Variants in TIAM2 observed in about 807,000 individuals in gnomAD.
The protein encoded by TIAM2 is TIAM Rac1 associated GEF 2, also known as rho guanine nucleotide exchange factor TIAM2.
TIAM2 carries 80 observed loss-of-function variants against 152.9 expected under a neutral mutation model. The observed-to-expected ratio is 0.52, with a 90% CI of 0.44 to 0.63. TIAM2 has a LOEUF of 0.63. Among genes scored for constraint, TIAM2 ranks in the 30% least tolerant of loss-of-function variants. The pLI, the probability that TIAM2 is intolerant of heterozygous loss-of-function variation, is 0.00. For missense variants in TIAM2, 1,965 were observed against 2,120.1 expected, an observed-to-expected ratio of 0.93 and a Z score of 1.44; for synonymous variants, 804 against 838.0, an observed-to-expected ratio of 0.96 and a Z score of 0.70.
intron 2 of TIAM2, among the ~76,000 whole-genome samples, chr6:155,115,414 C>T (rs980200836): frequency 6.6e-6 from 1 of 151,776 alleles, no homozygotes; most frequent in Admixed American, 6.6e-5. Flanking sequence ...GAGGCCAAGG[C>T]AGGAGGATTC....
intron 1 of TIAM2, among the ~76,000 whole-genome samples, chr6:155,009,399 G>A (rs1778450949): frequency 6.6e-6 from 1 of 152,084 alleles, no homozygotes; most frequent in Non-Finnish European, 1.5e-5. Flanking sequence ...ACCATGCCTG[G>A]CCCTGACTCA....
chr6:155,245,762 T>TTTTTTG, intron 19 of TIAM2, 31 bp downstream of exon 19: 1 of 1,459,814 alleles, frequency 6.9e-7, no homozygotes, highest in Non-Finnish European at 9.3e-7. Context: ...ATAGTTTTTT[T>TTTTTTG]TTTTTTTTGC....
At chr6:155,096,696 A>G (rs929245151) in intron 2 of TIAM2, among the ~76,000 whole-genome samples, 3 of 152,054 alleles carry the variant, frequency 2.0e-5, no homozygotes, top group Admixed American at 2.0e-4. Context: ...CATTCTTTTT[A>G]TGGCTGAATA....
At chr6:155,080,223 G>A (rs930745456) in intron 1 of TIAM2, among the ~76,000 whole-genome samples, 1 of 151,214 alleles carries the variant, frequency 6.6e-6, no homozygotes, top group Non-Finnish European at 1.5e-5. Flanking sequence ...TGTCCATACC[G>A]CTGACACAGG....
chr6:155,099,013 C>CACGGATATTTTTAG (rs1778486364), intron 2 of TIAM2, among the ~76,000 whole-genome samples: 1 of 152,180 alleles, frequency 6.6e-6, no homozygotes, highest in Non-Finnish European at 1.5e-5. Context: ...CACGGAGAAA[C>CACGGATATTTTTAG]TCCATCTTTA....
chr6:155,201,560 C>T (rs1781471936), intron 14 of TIAM2, among the ~76,000 whole-genome samples: 1 of 152,172 alleles, frequency 6.6e-6, no homozygotes, highest in South Asian at 2.1e-4. Flanking sequence ...AGGCTCTGCA[C>T]CTTCTTTCTT....
chr6:155,129,108 C>A lies in TIAM2; in HGVS notation c.-6-110C>A. The A allele has an allele frequency of 1.0e-6, 1 of 995,586 alleles. No homozygotes were observed. Among genetic ancestry groups the A allele is most frequent in the Non-Finnish European group, 1.5e-6 (1 of 683,802 alleles). The allele number at this position is 995,586 out of a possible 1,614,324, so 61.7% of individuals were successfully genotyped here. On this transcript the variant is annotated intron_variant, in intron 3 of 26. Coordinates refer to ENST00000682666, the MANE Select transcript of TIAM2 (RefSeq NM_012454.4). This position sits in a 1 kb window ranked among gnomAD's most constrained non-coding sequence, Gnocchi z 4.8. ...TTGTCCCTACTCCTCTGAGTCCTTC[C>A]AGGCACTGAAGTTGCTGTGTAATAT...
chr6:155,052,459 C>T (rs932498650), intron 1 of TIAM2, among the ~76,000 whole-genome samples: 11 of 151,756 alleles, frequency 7.2e-5, no homozygotes, highest in Non-Finnish European at 1.2e-4. Context: ...TCTGAATAAC[C>T]AAAGGATTAA....
At chr6:155,056,312 T>C (rs1202758418) in intron 1 of TIAM2, among the ~76,000 whole-genome samples, 1 of 151,340 alleles carries the variant, frequency 6.6e-6, no homozygotes, top group African/African-American at 2.4e-5. Context: ...GCTGGGACTG[T>C]CGGCGCCTAC....
At chr6:155,120,152 T>G (rs1013537345) in intron 2 of TIAM2, among the ~76,000 whole-genome samples, 2 of 152,204 alleles carry the variant, frequency 1.3e-5, no homozygotes, top group Admixed American at 1.3e-4. Flanking sequence ...TCTGTGGAAT[T>G]TATGACTTTC....
At chr6:155,060,334 A>C (rs1039220624) in intron 1 of TIAM2, among the ~76,000 whole-genome samples, 1 of 152,154 alleles carries the variant, frequency 6.6e-6, no homozygotes, top group Non-Finnish European at 1.5e-5. Flanking sequence ...TCTGGGAGGC[A>C]GAGTTTGCGG....
At position 155,230,276 on chromosome 6, in the gene TIAM2, G is replaced by A. The variant is rs190579460; in HGVS notation, c.3169-10254G>A. On this transcript the variant is annotated intron_variant, in intron 15 of 26. Transcript: ENST00000682666. Reference sequence around the variant, plus strand: ...TTGTGGTGTCCACAGTTCCTAACTCGCACCTGCCAGACCCTGCCTCTCTGT... The same window carrying A: ...TTGTGGTGTCCACAGTTCCTAACTCACACCTGCCAGACCCTGCCTCTCTGT... Among the ~76,000 whole-genome samples, 126 of 152,274 alleles carry A rather than the reference G, an allele frequency of 8.3e-4. 1 individual carries two copies. The East Asian group carries it at 0.021, about 25-fold the overall frequency.
In TIAM2 at chr6:155,156,345, A is replaced by G. The variant is rs1250527395; in HGVS notation, c.2028+8011A>G. ...GATGCATCTTCCATACAACAGCCAG[A>G]CTGGGTTGCATCGGAAAAGCACATC... On this transcript the variant is annotated intron_variant, in intron 7 of 26. Transcript: ENST00000682666. The surrounding 1 kb of genome is among the most constrained non-coding windows in gnomAD (Gnocchi z 4.4). Among the ~76,000 whole-genome samples the G allele has an allele frequency of 1.3e-5, 2 of 151,996 alleles. No individual in the cohort carries two copies. Among genetic ancestry groups the G allele is most frequent in the Non-Finnish European group, 2.9e-5 (2 of 67,992 alleles).
chr6:155,031,853 TCTTA>T (rs1447658727), intron 1 of TIAM2, among the ~76,000 whole-genome samples: 2 of 152,240 alleles, frequency 1.3e-5, no homozygotes, highest in Non-Finnish European at 2.9e-5. Context: ...TACTTGCTTT[TCTTA>T]CTTTTGGGTA....
chr6:155,015,856 G>A (rs1299531573), intron 1 of TIAM2, among the ~76,000 whole-genome samples: 1 of 144,054 alleles, frequency 6.9e-6, no homozygotes, highest in South Asian at 2.3e-4. Flanking sequence ...AGAATCTCTT[G>A]AACCCAGGAG....
chr6:155,056,498 G>A (rs1425827998), intron 1 of TIAM2, among the ~76,000 whole-genome samples: 2 of 114,832 alleles, frequency 1.7e-5, no homozygotes, highest in Non-Finnish European at 4.0e-5. Flanking sequence ...TGAGTCCTGG[G>A]AATTCAGAAA....
intron 15 of TIAM2, among the ~76,000 whole-genome samples, chr6:155,223,515 A>C (rs1263085433): frequency 2.2e-5 from 2 of 89,152 alleles, no homozygotes; most frequent in Non-Finnish European, 4.2e-5. Context: ...AGACATCCCC[A>C]GATTTTTTTT....
At chr6:155,098,174 A>G (rs773511415) in intron 2 of TIAM2, among the ~76,000 whole-genome samples, 1 of 151,892 alleles carries the variant, frequency 6.6e-6, no homozygotes, top group Non-Finnish European at 1.5e-5. Flanking sequence ...GGTTTTACAT[A>G]AAGTTTAGAA....
At chr6:155,215,254 A>G (rs1376550541) in intron 15 of TIAM2, among the ~76,000 whole-genome samples, 1 of 152,250 alleles carries the variant, frequency 6.6e-6, no homozygotes, top group East Asian at 1.9e-4. Flanking sequence ...GTAACTAAGC[A>G]AAACATTTAC....
Sources: allele counts gnomAD v4.1 joint callset (sites outside exome capture counted in the v4.1 genomes callset), GRCh38; gene constraint gnomAD v4.1.1; non-coding constraint Gnocchi (gnomAD v3.1); transcripts MANE v1.5; gene names NCBI Gene and HGNC (gene_info 2026-07-23, HGNC 2026-07-21).